RIN2: variants seen among roughly 807,000 people sequenced by gnomAD.
The protein encoded by RIN2 is RAB5 interacting protein 2.
A neutral mutation model predicts 78.0 loss-of-function variants in RIN2; 36 were observed. The observed-to-expected ratio is 0.46, with a 90% CI of 0.35 to 0.61. The LOEUF is 0.61. Among genes scored for constraint, RIN2 ranks in the 20% least tolerant of loss-of-function variants. RIN2 has a pLI of 0.00. For missense variants in RIN2, 1,087 were observed against 1,159.7 expected (o/e 0.94, Z 0.91); for synonymous variants, 466 against 466.8 (o/e 1.00, Z 0.02).
intron 7 of RIN2, 144 bp from the exon 8 acceptor site, chr20:19,970,694 G>A (rs2042075788): frequency 1.5e-6 from 1 of 670,850 alleles, no homozygotes; most frequent in South Asian, 1.8e-5. Context: ...TTACCACCAG[G>A]AAAGATAACT....
At chr20:19,759,182 A>G (rs892087644) in intron 1 of RIN2, among the ~76,000 whole-genome samples, 1 of 152,240 alleles carries the variant, frequency 6.6e-6, no homozygotes, top group Non-Finnish European at 1.5e-5. Context: ...TATGTTGCCA[A>G]GAAATACAGG....
chr20:19,949,033 A>G, intron 4 of RIN2, among the ~76,000 whole-genome samples: 1 of 149,028 alleles, frequency 6.7e-6, no homozygotes, highest in South Asian at 2.2e-4. Context: ...TAATCCCAGC[A>G]CTTTGGGAGG....
chr20:19,999,373 T>A (rs2043072255), intron 12 of RIN2, among the ~76,000 whole-genome samples: 1 of 152,178 alleles, frequency 6.6e-6, no homozygotes, highest in African/African-American at 2.4e-5. Flanking sequence ...AAGTCCCCAC[T>A]GGAAGCAGAT....
chr20:19,962,278 C>T (rs549947108), intron 6 of RIN2, among the ~76,000 whole-genome samples: 6 of 151,014 alleles, frequency 4.0e-5, no homozygotes, highest in East Asian at 2.0e-4. Flanking sequence ...AGAGCCAGAC[C>T]GTGTCTTAAA....
chr20:19,771,938 A>G (rs1476599853), intron 1 of RIN2, among the ~76,000 whole-genome samples: 1 of 152,142 alleles, frequency 6.6e-6, no homozygotes. Flanking sequence ...TCTGTTGCAC[A>G]GAAACTAGAA....
intron 3 of RIN2, among the ~76,000 whole-genome samples, chr20:19,923,469 T>TAAAATAAAATAAATA (rs144067000): frequency 2.1e-4 from 20 of 97,156 alleles, no homozygotes; most frequent in South Asian, 8.9e-4. Flanking sequence ...TAAAATAAAA[T>TAAAATAAAATAAATA]AAATAAAATA....
intron 2 of RIN2, among the ~76,000 whole-genome samples, chr20:19,869,827 T>G (rs150365089): frequency 5.7e-4 from 86 of 150,404 alleles, no homozygotes; most frequent in African/African-American, 2.0e-3. Context: ...TTTATTTATT[T>G]ATTTATTGTA....
chr20:19,956,763 A>G lies in RIN2; in HGVS notation c.307A>G (p.Ser103Gly), dbSNP rs2041560315. ...CCCCATATGGCTGCAGCTGAGTCTG[A>G]GTGAGGAGGAGGCAGCAGAGGTCCT... ...THPIWLQLSL[S>G]EEEAAEVLQA... Residue 103 changes from serine to glycine, a missense_variant, in exon 5 of 13, where the codon AGT becomes GGT. Around this residue, in one of 8 missense-constraint regions of RIN2, gnomAD observed 706 missense variants for 667.5 expected, o/e 1.06. Transcript: ENST00000255006. The G allele has an allele frequency of 6.2e-7, 1 of 1,603,196 alleles. No individual in the cohort carries two copies. Among genetic ancestry groups the G allele is most frequent in the African/African-American group, 1.3e-5 (1 of 74,714 alleles).
intron 2 of RIN2, among the ~76,000 whole-genome samples, chr20:19,815,375 A>G (rs1454727574): frequency 6.6e-6 from 1 of 152,212 alleles, no homozygotes; most frequent in Admixed American, 6.5e-5. Flanking sequence ...TATACATAGG[A>G]ATCTTTGAAA....
intron 2 of RIN2, among the ~76,000 whole-genome samples, chr20:19,834,913 C>T (rs914883043): frequency 6.7e-6 from 1 of 149,242 alleles, no homozygotes; most frequent in African/African-American, 2.5e-5. Flanking sequence ...CACTGCGCTC[C>T]AGCCAGGGCA....
intron 2 of RIN2, among the ~76,000 whole-genome samples, chr20:19,837,317 TACACA>T (rs1392875148): frequency 6.6e-6 from 1 of 152,064 alleles, no homozygotes; most frequent in African/African-American, 2.4e-5. Flanking sequence ...ATTAACTCAA[TACACA>T]TGAACTATTC....
intron 1 of RIN2, among the ~76,000 whole-genome samples, chr20:19,796,267 A>G (rs2035052268): frequency 6.6e-6 from 1 of 152,292 alleles, no homozygotes; most frequent in South Asian, 2.1e-4. Flanking sequence ...AGGAATTCAC[A>G]TATCCTCCTT....
chr20:19,826,545 A>G (rs1403823216), intron 2 of RIN2, among the ~76,000 whole-genome samples: 1 of 152,170 alleles, frequency 6.6e-6, no homozygotes, highest in Non-Finnish European at 1.5e-5. Flanking sequence ...AAATTTAAGG[A>G]AAATTCACAA....
chr20:19,893,949 G>C (rs2038601734), intron 3 of RIN2, among the ~76,000 whole-genome samples: 3 of 152,158 alleles, frequency 2.0e-5, no homozygotes, highest in Admixed American at 2.0e-4. Context: ...ATGGGCGCCT[G>C]TATTCCCAGC....
intron 9 of RIN2, among the ~76,000 whole-genome samples, chr20:19,981,434 T>C (rs1601033655): frequency 1.3e-5 from 2 of 152,174 alleles, no homozygotes. Flanking sequence ...TGGAAGCAAG[T>C]CACTTAGCAC....
intron 1 of RIN2, among the ~76,000 whole-genome samples, chr20:19,774,230 C>T (rs1244348129): frequency 6.6e-6 from 1 of 152,114 alleles, no homozygotes; most frequent in Non-Finnish European, 1.5e-5. Context: ...CTATCACCCC[C>T]GAGCAGCCAA....
At chr20:19,849,462 T>A (rs1270436454) in intron 2 of RIN2, among the ~76,000 whole-genome samples, 2 of 152,196 alleles carry the variant, frequency 1.3e-5, no homozygotes, top group African/African-American at 4.8e-5. Flanking sequence ...AGCATCGTTC[T>A]ACCCCGACTC....
intron 2 of RIN2, chr20:19,823,324 C>T (rs1189374724): frequency 1.7e-6 from 1 of 595,314 alleles, no homozygotes; most frequent in Non-Finnish European, 3.0e-6. Flanking sequence ...TCATCTTACT[C>T]TTTCGTGGCT....
chr20:19,868,814 C>G (rs1356226859), intron 2 of RIN2, among the ~76,000 whole-genome samples: 5 of 152,138 alleles, frequency 3.3e-5, no homozygotes, highest in African/African-American at 1.2e-4. Context: ...GGCATGCTGG[C>G]TCACACCTGT....
Sources: gnomAD v4.1 joint callset for allele counts (sites outside exome capture counted in the v4.1 genomes callset) on GRCh38, gnomAD v4.1.1 for gene constraint, gnomAD v4.1.1 regional missense constraint, MANE v1.5 for transcripts, NCBI Gene and HGNC (gene_info 2026-07-23, HGNC 2026-07-21) for gene names.